The following SMYD4 variants were observed in gnomAD, a reference collection of about 807,000 sequenced individuals.
SMYD4 encodes the protein protein-lysine N-methyltransferase SMYD4.
A neutral mutation model predicts 72.8 loss-of-function variants in SMYD4; 68 were observed. The ratio of observed to expected loss-of-function variants is 0.93; its 90% CI spans 0.77 to 1.14. The LOEUF is 1.14. Among genes scored for constraint, SMYD4 ranks in the 50% most tolerant of loss-of-function variants. SMYD4 has a pLI of 0.00. For missense variants in SMYD4, 984 were observed against 1,003.7 expected (o/e 0.98, Z 0.27); for synonymous variants, 407 against 388.6 (o/e 1.05, Z -0.56).
chr17:1,783,874 C>T (rs369278060), intron 8 of SMYD4: 32 of 300,444 alleles, frequency 1.1e-4, no homozygotes, highest in South Asian at 8.7e-4. Context: ...TGGGGAGCTC[C>T]GCAAGTCTCA....
Position 1,780,906 on chromosome 17 carries a change from G to A in SMYD4, c.*380C>T, listed in dbSNP as rs960719550. ...CAAAGTGCTGGGATTACAGGCTTGA[G>A]CCACCGCACCCGGCCTCTTATTTTT... On this transcript the variant is annotated 3_prime_UTR_variant, in exon 11 of 11. Transcript: ENST00000305513. 5 of 159,536 alleles carry A rather than the reference G, an allele frequency of 3.1e-5. No individual in the cohort carries two copies. The highest frequency in any genetic ancestry group is 1.2e-4 in the African/African-American group (5 of 40,772). The allele number at this position is 159,536 out of a possible 1,614,324, so 9.9% of individuals were successfully genotyped here. A position where few individuals can be genotyped will look rare whatever the true frequency, so the allele number is the denominator to read the frequency against.
intron 2 of SMYD4, among the ~76,000 whole-genome samples, chr17:1,817,098 TCA>T (rs1910643391): frequency 6.7e-6 from 1 of 150,332 alleles, no homozygotes; most frequent in Non-Finnish European, 1.5e-5. Flanking sequence ...AGGCAGAAGT[TCA>T]GTTTCTCGGC....
chr17:1,784,556 T>G, intron 7 of SMYD4, 95 bp from the exon 8 acceptor site: 1 of 1,539,460 alleles, frequency 6.5e-7, no homozygotes, highest in Middle Eastern at 2.3e-4. Context: ...GTTTCTTACC[T>G]CATGGGGGAA....
intron 3 of SMYD4, among the ~76,000 whole-genome samples, chr17:1,806,682 G>A (rs1910050269): frequency 6.6e-6 from 1 of 152,236 alleles, no homozygotes; most frequent in African/African-American, 2.4e-5. Flanking sequence ...GTGGGATGAT[G>A]GGTATCCTCA....
chr17:1,828,131 A>C (rs190593900), intron 1 of SMYD4, 125 bp from the exon 2 acceptor site: 1 of 856,328 alleles, frequency 1.2e-6, no homozygotes, highest in Admixed American at 2.4e-5. Flanking sequence ...TAGGTGGATC[A>C]CGAGGTCAGG....
In SMYD4 at chr17:1,800,975, C is replaced by G; in HGVS notation, c.419G>C (p.Arg140Thr). 1 of 1,613,950 alleles carries G rather than the reference C, an allele frequency of 6.2e-7. No homozygotes were observed. Among genetic ancestry groups the G allele is most frequent in the Non-Finnish European group, 8.5e-7 (1 of 1,179,834 alleles). Residue 140 changes from arginine (R) to threonine (T), a missense_variant, in exon 5 of 11, where the codon AGG becomes ACG. By Grantham distance (71) the Arg-to-Thr change is moderately conservative. Transcript: ENST00000305513. The part of the protein sequence containing the change: ...NRAQTHGYPE[R>T]LQPKIMLRKA... ...ACGTAACATAATCTTGGGTTGCAAC[C>G]TTTCTGGATACCCATGTGTCTGTGC... is the stretch of plus-strand genomic sequence containing the variant.
At chr17:1,786,364 C>A (rs1378415558) in intron 7 of SMYD4, among the ~76,000 whole-genome samples, 14 of 152,100 alleles carry the variant, frequency 9.2e-5, no homozygotes, top group Admixed American at 9.2e-4. Context: ...GCAGCCTTAT[C>A]CTGGAATTTT....
Position 1,794,105 on chromosome 17 carries a change from A to ATTT in SMYD4, c.1537+5749_1537+5751dup, listed in dbSNP as rs59420310. ...TGTATATATATATATATATATATAT[A>ATTT]TTTTTTTTTTTTTTTTTTTTTTGAG... is the stretch of plus-strand genomic sequence containing the variant. On this transcript the variant is annotated intron_variant, in intron 5 of 10. Coordinates refer to ENST00000305513, the MANE Select transcript of SMYD4 (RefSeq NM_052928.3). Among the ~76,000 whole-genome samples the ATTT allele has an allele frequency of 2.5e-3, 33 of 12,988 alleles. 3 individuals carry two copies. The highest frequency in any genetic ancestry group is 4.1e-3 in the Non-Finnish European group (30 of 7,260). 8.5% of individuals were successfully genotyped at this position (12,988 alleles called of 152,430 possible). A position where few individuals can be genotyped will look rare whatever the true frequency, so the allele number is the denominator to read the frequency against.
chr17:1,807,786 G>C (rs1910121171), intron 3 of SMYD4, among the ~76,000 whole-genome samples: 1 of 152,176 alleles, frequency 6.6e-6, no homozygotes, highest in Admixed American at 6.6e-5. Context: ...GTGTGTGCAG[G>C]AGTGGAAGGC....
chr17:1,827,418 G>C (rs532921491), intron 2 of SMYD4, among the ~76,000 whole-genome samples: 1 of 150,650 alleles, frequency 6.6e-6, no homozygotes, highest in South Asian at 2.1e-4. Context: ...ACAATCTAGC[G>C]GCAAAGGCAG....
intron 5 of SMYD4, among the ~76,000 whole-genome samples, chr17:1,788,677 C>A (rs559616368): frequency 2.6e-5 from 4 of 151,712 alleles, no homozygotes; most frequent in Admixed American, 6.6e-5. Flanking sequence ...CCCCTGAGGA[C>A]GTTGCAGTGA....
intron 2 of SMYD4, among the ~76,000 whole-genome samples, chr17:1,815,546 A>G (rs988346023): frequency 6.6e-6 from 1 of 150,562 alleles, no homozygotes; most frequent in African/African-American, 2.4e-5. Context: ...ATTATGATAA[A>G]AAAATTGAGG....
chr17:1,823,286 C>G (rs1406602907), intron 2 of SMYD4, among the ~76,000 whole-genome samples: 1 of 148,984 alleles, frequency 6.7e-6, no homozygotes, highest in Non-Finnish European at 1.5e-5. Flanking sequence ...CCCAGCTACT[C>G]GAGAGGCTGA....
chr17:1,800,814 G>C lies in SMYD4; in HGVS notation c.580C>G (p.Leu194Val). ...TCCTTTTCTTGCATCTTCATTTTCA[G>C]ACGATGGAGGTTTCTCTGCAGAGTC... The part of the protein sequence containing the change: ...PQTLQRNLHR[L>V]KMKMQEKDSL... Residue 194 changes from leucine (L) to valine (V), a missense_variant, in exon 5 of 11, where the codon CTG (leucine) becomes GTG (valine). Leu to Val is a conservative substitution (Grantham distance 32, BLOSUM62 1). Transcript: ENST00000305513. The C allele has an allele frequency of 1.2e-6, 2 of 1,614,198 alleles. No homozygotes were observed. The highest frequency in any genetic ancestry group is 1.7e-6 in the Non-Finnish European group (2 of 1,180,038).
chr17:1,818,190 C>A (rs1467963496), intron 2 of SMYD4, among the ~76,000 whole-genome samples: 1 of 151,714 alleles, frequency 6.6e-6, no homozygotes, highest in Non-Finnish European at 1.5e-5. Flanking sequence ...AGAAAAAAAA[C>A]ACATTTTTTC....
chr17:1,801,028 A>G lies in SMYD4; in HGVS notation c.370-4T>C. On this transcript the variant is annotated splice_polypyrimidine_tract_variant and splice_region_variant and intron_variant, in intron 4 of 10. Coordinates refer to ENST00000305513, the MANE Select transcript of SMYD4 (RefSeq NM_052928.3). ...TGTTAATGTCTTTAAGACACGTCTG[A>G]AAACAGAAAGAAAATCCCACAATGA... 6.3e-7 allele frequency: 1 copy of G among 1,585,932 alleles called. No individual in the cohort carries two copies.
At chr17:1,798,903 A>T (rs67479426) in intron 5 of SMYD4, among the ~76,000 whole-genome samples, 54,922 of 151,564 alleles carry the variant, frequency 0.36, 11,765 homozygotes, top group Non-Finnish European at 0.5. Flanking sequence ...TCTCAAAAAA[A>T]AAATAAATAA....
chr17:1,817,822 C>T lies in SMYD4; in HGVS notation c.135-5707G>A, dbSNP rs191244849. ...CAGAACTTTGGGAGGCCGAGGTGGG[C>T]GGATCACGAGGTCAGGAGATTGAGA... On this transcript the variant is annotated intron_variant, in intron 2 of 10. Transcript: ENST00000305513. Among the ~76,000 whole-genome samples the T allele has an allele frequency of 4.8e-3, 725 of 151,946 alleles. 2 individuals are homozygous for T. Among genetic ancestry groups the T allele is most frequent in the African/African-American group, 0.016 (682 of 41,448 alleles).
intron 2 of SMYD4, among the ~76,000 whole-genome samples, chr17:1,823,761 C>G (rs60585547): frequency 0.057 from 8,688 of 152,164 alleles, 846 homozygotes; most frequent in African/African-American, 0.2. Context: ...ACCTGAGCCC[C>G]ACCCAGAAGT....
Sources: gnomAD v4.1 joint callset for allele counts (sites outside exome capture counted in the v4.1 genomes callset) on GRCh38, gnomAD v4.1.1 for gene constraint, MANE v1.5 for transcripts, NCBI Gene and HGNC (gene_info 2026-07-23, HGNC 2026-07-21) for gene names.